Variants in SGCD observed in about 807,000 individuals in gnomAD.
The protein encoded by SGCD is sarcoglycan delta, also known as delta-sarcoglycan.
Under a neutral mutation model 36.6 loss-of-function variants are expected in SGCD, and 18 were observed. That is an observed-to-expected ratio of 0.49 (90% CI 0.34 to 0.73). The LOEUF (loss-of-function observed/expected upper bound fraction) is 0.73. Among genes scored for constraint, SGCD ranks in the 30% least tolerant of loss-of-function variants. The probability of loss-of-function intolerance (pLI) is 0.01; values close to 1 mark genes in which losing one functional copy is unlikely to be tolerated. For missense variants in SGCD, 387 were observed against 346.7 expected (o/e 1.12, Z -0.92); for synonymous variants, 133 against 130.6 (o/e 1.02, Z -0.12).
intron 6 of SGCD, among the ~76,000 whole-genome samples, chr5:156,605,483 A>G (rs1374244816): frequency 3.9e-5 from 6 of 152,174 alleles, no homozygotes; most frequent in Admixed American, 3.9e-4. Flanking sequence ...AGGCTTTGCT[A>G]GTGTGAATAG....
At chr5:156,176,057 T>C (rs959561283) in intron 3 of SGCD, among the ~76,000 whole-genome samples, 9 of 152,108 alleles carry the variant, frequency 5.9e-5, no homozygotes. Context: ...TTGCTTGCGA[T>C]TTTCAAAGTT....
At chr5:155,912,966 A>G (rs1756662173) in intron 1 of SGCD, among the ~76,000 whole-genome samples, 1 of 152,118 alleles carries the variant, frequency 6.6e-6, no homozygotes, top group African/African-American at 2.4e-5. Flanking sequence ...TCCTTCTAAG[A>G]AGGTGTCCAC....
chr5:156,176,075 G>A (rs1301149139), intron 3 of SGCD, among the ~76,000 whole-genome samples: 3 of 151,884 alleles, frequency 2.0e-5, no homozygotes, highest in Non-Finnish European at 2.9e-5. Context: ...GTTTCTCTTG[G>A]TTTTAAGTTA....
intron 6 of SGCD, among the ~76,000 whole-genome samples, chr5:156,627,436 T>G (rs1279504322): frequency 6.6e-6 from 1 of 152,198 alleles, no homozygotes; most frequent in East Asian, 1.9e-4. Flanking sequence ...CTCTTCTGAT[T>G]TTAATGGAAT....
chr5:156,352,365 A>G (rs1387942497), intron 3 of SGCD, among the ~76,000 whole-genome samples: 1 of 152,162 alleles, frequency 6.6e-6, no homozygotes, highest in East Asian at 1.9e-4. Flanking sequence ...CAGCTTGAGC[A>G]CCCCAGCTGC....
intron 1 of SGCD, among the ~76,000 whole-genome samples, chr5:156,026,630 G>A (rs145342634): frequency 7.2e-5 from 11 of 152,244 alleles, no homozygotes; most frequent in South Asian, 2.1e-4. Flanking sequence ...AAGTTTAATC[G>A]TCAGCTTCCT....
chr5:156,332,439 C>T (rs1027467914), intron 2 of SGCD, among the ~76,000 whole-genome samples: 1 of 152,198 alleles, frequency 6.6e-6, no homozygotes, highest in Non-Finnish European at 1.5e-5. Context: ...ATGCCTACCT[C>T]ATTCATTGAC....
intron 7 of SGCD, among the ~76,000 whole-genome samples, chr5:156,672,526 A>G (rs1753338988): frequency 6.6e-6 from 1 of 152,138 alleles, no homozygotes; most frequent in South Asian, 2.1e-4. Flanking sequence ...ATCAACCCAC[A>G]GCTCTGTCTT....
the SGCD span, among the ~76,000 whole-genome samples, chr5:155,749,250 C>T: frequency 6.6e-6 from 1 of 152,118 alleles, no homozygotes; most frequent in Non-Finnish European, 1.5e-5. Context: ...GGACACACAG[C>T]TTGCAAGTAT....
intron 1 of SGCD, among the ~76,000 whole-genome samples, chr5:156,082,782 C>A (rs1230110064): frequency 6.6e-6 from 1 of 152,160 alleles, no homozygotes; most frequent in Non-Finnish European, 1.5e-5. Flanking sequence ...TCCAGGAGCA[C>A]AGTTGCTGGG....
intron 2 of SGCD, among the ~76,000 whole-genome samples, chr5:156,332,408 C>G (rs1413169218): frequency 6.6e-6 from 1 of 152,200 alleles, no homozygotes; most frequent in East Asian, 1.9e-4. Context: ...GTGGTCAGCT[C>G]CTGTCCTTTT....
At chr5:155,820,781 T>A in the SGCD span, among the ~76,000 whole-genome samples, 1 of 152,080 alleles carries the variant, frequency 6.6e-6, no homozygotes, top group Non-Finnish European at 1.5e-5. Context: ...AGAGTTGTGG[T>A]TATATCCCCT....
chr5:156,129,573 T>C (rs116400407), intron 3 of SGCD, among the ~76,000 whole-genome samples: 1 of 152,322 alleles, frequency 6.6e-6, no homozygotes, highest in African/African-American at 2.4e-5. Context: ...CTGTACAGAT[T>C]AGTTCATCAC....
At chr5:155,845,535 C>T in the SGCD span, 6 of 152,100 alleles carry the variant, frequency 3.9e-5, no homozygotes, top group African/African-American at 1.2e-4. Flanking sequence ...GACAAATTAC[C>T]TTTCCTGTCA....
chr5:155,828,938 C>T, the SGCD span, among the ~76,000 whole-genome samples: 2 of 152,046 alleles, frequency 1.3e-5, no homozygotes, highest in South Asian at 2.1e-4. Context: ...CTGCCCACCT[C>T]GGCCTCCCAA....
chr5:156,132,560 T>G (rs1238888374), intron 3 of SGCD, among the ~76,000 whole-genome samples: 1 of 141,372 alleles, frequency 7.1e-6, no homozygotes, highest in Non-Finnish European at 1.5e-5. Flanking sequence ...GCTCCGCCTC[T>G]TGGGTTCATG....
chr5:156,663,734 T>C (rs1170766491), intron 7 of SGCD, among the ~76,000 whole-genome samples: 1 of 147,254 alleles, frequency 6.8e-6, no homozygotes, highest in Non-Finnish European at 1.5e-5. Flanking sequence ...TTGTGGGGGC[T>C]CCCCTGGAAG....
At chr5:156,230,692 C>A (rs1369249142) in intron 3 of SGCD, among the ~76,000 whole-genome samples, 1 of 152,164 alleles carries the variant, frequency 6.6e-6, no homozygotes, top group African/African-American at 2.4e-5. Context: ...ATGCGAACCT[C>A]CACATGCTGC....
the SGCD span, among the ~76,000 whole-genome samples, chr5:155,853,025 A>G: frequency 6.6e-6 from 1 of 151,964 alleles, no homozygotes; most frequent in African/African-American, 2.4e-5. Flanking sequence ...TTGCATTTCC[A>G]TAGGCTAAAT....
Sources: allele counts gnomAD v4.1 joint callset (sites outside exome capture counted in the v4.1 genomes callset), GRCh38; gene constraint gnomAD v4.1.1; transcripts MANE v1.5; gene names NCBI Gene and HGNC (gene_info 2026-07-23, HGNC 2026-07-21).